Variants in SLC4A4 observed in about 807,000 individuals in gnomAD.
The protein encoded by SLC4A4 is electrogenic sodium bicarbonate cotransporter 1.
A neutral mutation model predicts 111.5 loss-of-function variants in SLC4A4; 27 were observed. That is an observed-to-expected ratio of 0.24 (90% CI 0.18 to 0.33). SLC4A4 has a LOEUF of 0.33. Among genes scored for constraint, SLC4A4 ranks in the 10% least tolerant of loss-of-function variants. The pLI, the probability that SLC4A4 is intolerant of heterozygous loss-of-function variation, is 1.00. For synonymous variants in SLC4A4, 443 were observed against 463.4 expected, an observed-to-expected ratio of 0.96 and a Z score of 0.57; for missense variants, 909 against 1,315.5, an observed-to-expected ratio of 0.69 and a Z score of 4.78.
chr4:71,523,301 G>A (rs1315493735), intron 16 of SLC4A4, among the ~76,000 whole-genome samples: 1 of 151,960 alleles, frequency 6.6e-6, no homozygotes, highest in African/African-American at 2.4e-5. Context: ...TTTATATCAA[G>A]GAAAATAATT....
At chr4:71,358,314 GAAAA>G (rs757154295) in intron 6 of SLC4A4, among the ~76,000 whole-genome samples, 1 of 120,508 alleles carries the variant, frequency 8.3e-6, no homozygotes. Context: ...GACTCCGTCT[GAAAA>G]AAAAAAAAAA....
At chr4:71,098,334 A>G (rs538556267) in intron 2 of SLC4A4, among the ~76,000 whole-genome samples, 1 of 152,142 alleles carries the variant, frequency 6.6e-6, no homozygotes, top group South Asian at 2.1e-4. Flanking sequence ...TCAAATGATC[A>G]TAGGTGTGTG....
chr4:71,072,415 T>G (rs1025536312), intron 1 of SLC4A4, among the ~76,000 whole-genome samples: 2 of 152,202 alleles, frequency 1.3e-5, no homozygotes, highest in African/African-American at 4.8e-5. Context: ...AGACTTTCTA[T>G]TCTGTTTCAT....
intron 3 of SLC4A4, among the ~76,000 whole-genome samples, chr4:71,328,961 TA>T (rs1221223851): frequency 6.6e-6 from 1 of 152,184 alleles, no homozygotes. Context: ...GTTTTAAATT[TA>T]AGTCTTTAAT....
intron 3 of SLC4A4, among the ~76,000 whole-genome samples, chr4:71,282,491 G>T (rs1479786240): frequency 1.3e-5 from 2 of 151,770 alleles, no homozygotes; most frequent in Admixed American, 6.6e-5. Flanking sequence ...CTCCGTGTTG[G>T]TCAGGCTGGT....
chr4:71,068,400 C>T (rs1312800808), intron 1 of SLC4A4, among the ~76,000 whole-genome samples: 1 of 151,794 alleles, frequency 6.6e-6, no homozygotes, highest in Non-Finnish European at 1.5e-5. Context: ...AGTATATATA[C>T]ATCCATCTCA....
intron 3 of SLC4A4, among the ~76,000 whole-genome samples, chr4:71,256,310 T>C (rs1277930386): frequency 3.3e-5 from 5 of 152,152 alleles, no homozygotes; most frequent in African/African-American, 1.2e-4. Flanking sequence ...GGTTCAGTCA[T>C]TGCAGTTGAT....
chr4:71,230,723 T>C (rs994483210), intron 1 of SLC4A4, among the ~76,000 whole-genome samples: 1 of 152,178 alleles, frequency 6.6e-6, no homozygotes, highest in African/African-American at 2.4e-5. Context: ...ATGAACTTGA[T>C]CCATGTGCAG....
At chr4:71,280,811 A>G (rs986218773) in intron 3 of SLC4A4, among the ~76,000 whole-genome samples, 1 of 152,096 alleles carries the variant, frequency 6.6e-6, no homozygotes, top group Non-Finnish European at 1.5e-5. Flanking sequence ...TTAACTCTAT[A>G]ATCTCTTTCA....
chr4:71,426,161 A>G (rs974053537), intron 7 of SLC4A4, among the ~76,000 whole-genome samples: 2 of 152,016 alleles, frequency 1.3e-5, no homozygotes, highest in Non-Finnish European at 2.9e-5. Context: ...AAAAGTCTTA[A>G]AATCTCTGTT....
At chr4:71,478,441 A>G (rs1461335318) in intron 14 of SLC4A4, among the ~76,000 whole-genome samples, 1 of 151,970 alleles carries the variant, frequency 6.6e-6, no homozygotes, top group African/African-American at 2.4e-5. Context: ...AAAAATGATG[A>G]GTTCATGTCC....
chr4:71,353,151 G>T (rs909526610), intron 5 of SLC4A4, among the ~76,000 whole-genome samples: 6 of 152,110 alleles, frequency 3.9e-5, no homozygotes, highest in African/African-American at 1.4e-4. Context: ...GCATTTTGTG[G>T]TTTCTCTTCA....
intron 2 of SLC4A4, among the ~76,000 whole-genome samples, chr4:71,114,129 C>T (rs912438555): frequency 6.6e-6 from 1 of 152,096 alleles, no homozygotes; most frequent in Non-Finnish European, 1.5e-5. Flanking sequence ...CGCCTGTAGT[C>T]CCAGCTACTC....
intron 18 of SLC4A4, among the ~76,000 whole-genome samples, chr4:71,538,329 T>C (rs1008983993): frequency 6.6e-6 from 1 of 152,130 alleles, no homozygotes; most frequent in Non-Finnish European, 1.5e-5. Context: ...CAAGGTTTAT[T>C]AGGGTTTGCC....
intron 1 of SLC4A4, among the ~76,000 whole-genome samples, chr4:71,196,210 A>G (rs149390822): frequency 6.6e-6 from 1 of 152,328 alleles, no homozygotes; most frequent in African/African-American, 2.4e-5. Flanking sequence ...CGATGTTAGC[A>G]GCGAGTAGGG....
At chr4:71,403,830 A>T (rs1234791860) in intron 7 of SLC4A4, among the ~76,000 whole-genome samples, 1 of 152,070 alleles carries the variant, frequency 6.6e-6, no homozygotes, top group East Asian at 1.9e-4. Flanking sequence ...ATGTGATAGG[A>T]TGGAGAAATT....
chr4:71,130,209 C>T (rs985763067), intron 2 of SLC4A4, among the ~76,000 whole-genome samples: 1 of 152,130 alleles, frequency 6.6e-6, no homozygotes, highest in South Asian at 2.1e-4. Flanking sequence ...TCTTCAATTG[C>T]CAGAGTTCTC....
intron 2 of SLC4A4, among the ~76,000 whole-genome samples, chr4:71,135,447 C>A (rs1743819434): frequency 6.6e-6 from 1 of 151,964 alleles, no homozygotes; most frequent in Admixed American, 6.6e-5. Flanking sequence ...AGGCCTGCAC[C>A]ACCATGCCTG....
intron 3 of SLC4A4, among the ~76,000 whole-genome samples, chr4:71,301,881 G>C (rs555235605): frequency 2.6e-5 from 4 of 152,312 alleles, no homozygotes; most frequent in South Asian, 2.1e-4. Flanking sequence ...GAAATGCCAG[G>C]TCCTTAAGCT....
Sources: gnomAD v4.1 joint callset for allele counts (sites outside exome capture counted in the v4.1 genomes callset) on GRCh38, gnomAD v4.1.1 for gene constraint, MANE v1.5 for transcripts, NCBI Gene and HGNC (gene_info 2026-07-23, HGNC 2026-07-21) for gene names.